Variants in PPP6R2 observed in about 807,000 individuals in gnomAD.
The protein encoded by PPP6R2 is serine/threonine-protein phosphatase 6 regulatory subunit 2.
Under a neutral mutation model 100.2 loss-of-function variants are expected in PPP6R2, and 62 were observed. That is an observed-to-expected ratio of 0.62 (90% CI 0.50 to 0.76). The LOEUF (loss-of-function observed/expected upper bound fraction) is 0.76, where lower values mean the gene tolerates loss of function less well. Ranked by LOEUF, PPP6R2 falls within the 30% of genes least tolerant of loss-of-function variation. The pLI is 0.00. For missense variants in PPP6R2, 1,142 were observed against 1,276.3 expected, an observed-to-expected ratio of 0.89 and a Z score of 1.60; for synonymous variants, 525 against 514.7, an observed-to-expected ratio of 1.02 and a Z score of -0.27.
intron 13 of PPP6R2, among the ~76,000 whole-genome samples, chr22:50,435,359 C>T (rs1053389206): frequency 5.3e-5 from 8 of 152,210 alleles, no homozygotes; most frequent in Non-Finnish European, 8.8e-5. Context: ...TTGGTGACTC[C>T]GGAGCTGGCA....
At chr22:50,405,437 C>T (rs1444414066) in intron 3 of PPP6R2, among the ~76,000 whole-genome samples, 2 of 114,404 alleles carry the variant, frequency 1.7e-5, no homozygotes, top group Middle Eastern at 6.7e-3. Context: ...GCCTGGCAGG[C>T]AAGTGTGAAG....
chr22:50,444,506 A>T lies in PPP6R2; in HGVS notation c.*259A>T. On this transcript the variant is annotated 3_prime_UTR_variant, in exon 24 of 24. Coordinates refer to ENST00000612753, the MANE Select transcript of PPP6R2 (RefSeq NM_001242898.2). ...CCCCCAAGCCCAGAGCACAGCAATA[A>T]GGTCGGCCTGCAGGAGCCGGGGTGG... 1 of 203,526 alleles carries T rather than the reference A, an allele frequency of 4.9e-6. No homozygotes were observed. The highest frequency in any genetic ancestry group is 8.3e-5 in the Admixed American group (1 of 12,080). 12.6% of individuals were successfully genotyped at this position (203,526 alleles called of 1,614,324 possible).
chr22:50,386,995 C>T (rs1184343000), intron 2 of PPP6R2, among the ~76,000 whole-genome samples: 1 of 152,134 alleles, frequency 6.6e-6, no homozygotes, highest in Admixed American at 6.6e-5. Flanking sequence ...TGCTCTTCCG[C>T]GGTACCTTAC....
At chr22:50,348,346 G>C (rs2044228853) in intron 1 of PPP6R2, among the ~76,000 whole-genome samples, 2 of 152,132 alleles carry the variant, frequency 1.3e-5, no homozygotes, top group African/African-American at 4.8e-5. Context: ...TGATTGTAAT[G>C]GTTTAGAACT....
the PPP6R2 span, among the ~76,000 whole-genome samples, chr22:50,334,491 C>T: frequency 6.6e-6 from 1 of 152,006 alleles, no homozygotes; most frequent in East Asian, 1.9e-4. Context: ...CATATATAAT[C>T]ATATATATAA....
At chr22:50,379,328 T>G (rs904792735) in intron 2 of PPP6R2, among the ~76,000 whole-genome samples, 1 of 151,790 alleles carries the variant, frequency 6.6e-6, no homozygotes, top group African/African-American at 2.4e-5. Context: ...AAACCCCGTC[T>G]CTACAAAAAA....
Position 50,444,337 on chromosome 22 carries a change from ATTTAATTT to A in PPP6R2, c.*91_*98del. The A allele has an allele frequency of 7.4e-7, 1 of 1,350,382 alleles. No individual in the cohort carries two copies. The highest frequency in any genetic ancestry group is 1.0e-6 in the Non-Finnish European group (1 of 993,504). 83.6% of individuals were successfully genotyped at this position (1,350,382 alleles called of 1,614,324 possible). A position where few individuals can be genotyped will look rare whatever the true frequency, so the allele number is the denominator to read the frequency against. On this transcript the variant is annotated 3_prime_UTR_variant, in exon 24 of 24. Coordinates refer to ENST00000612753, the MANE Select transcript of PPP6R2 (RefSeq NM_001242898.2). ...GGTGATGCAATCTTTTTTTTTTTTA[ATTTAATTT>A]AATTTTAAAATAAATGCTGCATTGG...
chr22:50,389,968 T>TTTTTTTC (rs927486347), intron 2 of PPP6R2, among the ~76,000 whole-genome samples: 7 of 150,538 alleles, frequency 4.6e-5, no homozygotes, highest in Non-Finnish European at 8.9e-5. Context: ...TATGCGGAGA[T>TTTTTTTC]TTTTTTCTTT....
intron 10 of PPP6R2, among the ~76,000 whole-genome samples, chr22:50,426,614 C>A (rs1442711053): frequency 6.6e-6 from 1 of 152,162 alleles, no homozygotes; most frequent in Non-Finnish European, 1.5e-5. Flanking sequence ...GCAGGCAGAT[C>A]ACCTGAGGTC....
chr22:50,382,555 A>C (rs1040796161), intron 2 of PPP6R2, among the ~76,000 whole-genome samples: 1 of 152,096 alleles, frequency 6.6e-6, no homozygotes, highest in Non-Finnish European at 1.5e-5. Flanking sequence ...AATAAATTAC[A>C]GTGTACCACC....
At chr22:50,393,243 C>T (rs952871531) in intron 2 of PPP6R2, among the ~76,000 whole-genome samples, 1 of 152,142 alleles carries the variant, frequency 6.6e-6, no homozygotes, top group Non-Finnish European at 1.5e-5. Flanking sequence ...GAGGTGCCTG[C>T]TTCAGAGAGA....
chr22:50,412,823 T>G (rs1420202516), intron 4 of PPP6R2, among the ~76,000 whole-genome samples: 4 of 151,420 alleles, frequency 2.6e-5, no homozygotes, highest in African/African-American at 7.3e-5. Flanking sequence ...TTTTGTATTT[T>G]TAGTAGAGAC....
rs2063147436 is a variant in PPP6R2, at chr22:50,431,555, G to T, written c.1335+173G>T. ...CTCGTAGACAGTGGGGCTTGAGTGG[G>T]TCTTGCAGATCTCATTCCTACCTGC... On this transcript the variant is annotated intron_variant, in intron 11 of 23. Coordinates refer to ENST00000612753, the MANE Select transcript of PPP6R2 (RefSeq NM_001242898.2). This position sits in a 1 kb window ranked among gnomAD's most constrained non-coding sequence, Gnocchi z 4.8. Among the ~76,000 whole-genome samples the T allele has an allele frequency of 6.6e-6, 1 of 152,248 alleles. No homozygotes were observed. The highest frequency in any genetic ancestry group is 2.4e-5 in the African/African-American group (1 of 41,470).
intron 1 of PPP6R2, among the ~76,000 whole-genome samples, chr22:50,350,727 C>T (rs2044895710): frequency 1.3e-5 from 2 of 151,430 alleles, no homozygotes; most frequent in South Asian, 4.2e-4. Flanking sequence ...CGCCTGTAGT[C>T]TCAGCTACTT....
At chr22:50,351,453 C>T (rs2045240465) in intron 1 of PPP6R2, among the ~76,000 whole-genome samples, 1 of 150,468 alleles carries the variant, frequency 6.6e-6, no homozygotes, top group Non-Finnish European at 1.5e-5. Flanking sequence ...GCTTTGAAGC[C>T]AGGCGTTGAC....
chr22:50,406,588 A>G (rs2058992880), intron 3 of PPP6R2, 101 bp from the exon 4 acceptor site: 1 of 1,082,606 alleles, frequency 9.2e-7, no homozygotes. Flanking sequence ...TGTTTGTTTG[A>G]TCACGTGGGT....
chr22:50,404,837 G>A lies in PPP6R2; in HGVS notation c.228-1852G>A, dbSNP rs1603254122. Among the ~76,000 whole-genome samples the A allele has an allele frequency of 2.6e-5, 4 of 152,192 alleles. No homozygotes were observed. The East Asian group carries it at 7.7e-4, about 29-fold the overall frequency. ...TCTGAGACAGCCATTCCTACAGGAC[G>A]CTCCCACTGGGTGGGCCCTGGGCTC... is the stretch of plus-strand genomic sequence containing the variant. On this transcript the variant is annotated intron_variant, in intron 3 of 23. Transcript: ENST00000612753.
intron 22 of PPP6R2, among the ~76,000 whole-genome samples, chr22:50,442,203 T>G (rs1479494604): frequency 1.3e-5 from 2 of 152,178 alleles, no homozygotes; most frequent in Non-Finnish European, 2.9e-5. Context: ...GGGGCAGGCC[T>G]GACACCTCAG....
At chr22:50,412,963 TTTG>T (rs1373698108) in intron 4 of PPP6R2, among the ~76,000 whole-genome samples, 1 of 144,344 alleles carries the variant, frequency 6.9e-6, no homozygotes, top group Non-Finnish European at 1.5e-5. Context: ...TCCTTTTTTT[TTTG>T]TTTTTTTTTT....
Sources: allele counts gnomAD v4.1 joint callset (sites outside exome capture counted in the v4.1 genomes callset), GRCh38; gene constraint gnomAD v4.1.1; non-coding constraint Gnocchi (gnomAD v3.1); transcripts MANE v1.5; gene names NCBI Gene and HGNC (gene_info 2026-07-23, HGNC 2026-07-21).